LINGO2: variants seen among roughly 807,000 people sequenced by gnomAD.
The protein encoded by LINGO2 is leucine rich repeat and Ig domain containing 2, also known as leucine-rich repeat and immunoglobulin-like domain-containing nogo receptor-interacting protein 2.
Under a neutral mutation model 30.6 loss-of-function variants are expected in LINGO2, and 14 were observed. The observed-to-expected ratio is 0.46, with a 90% confidence interval of 0.30 to 0.72. LINGO2 has a LOEUF of 0.72. Among genes scored for constraint, LINGO2 ranks in the 30% least tolerant of loss-of-function variants. LINGO2 has a pLI of 0.07. For missense variants in LINGO2, 729 were observed against 751.7 expected (o/e 0.97, Z 0.35); for synonymous variants, 317 against 288.5 (o/e 1.10, Z -1.00).
intron 4 of LINGO2, among the ~76,000 whole-genome samples, chr9:28,242,714 A>C (rs1489324144): frequency 6.6e-6 from 1 of 152,190 alleles, no homozygotes; most frequent in African/African-American, 2.4e-5. Flanking sequence ...TGTTAAAGGC[A>C]GCCAGAGAGA....
At chr9:28,930,040 AC>A in the LINGO2 span, among the ~76,000 whole-genome samples, 10 of 152,208 alleles carry the variant, frequency 6.6e-5, no homozygotes, top group South Asian at 2.1e-3. The surrounding 1 kb of genome is among the most constrained non-coding windows in gnomAD (Gnocchi z 4.2). Flanking sequence ...GCCATTCATC[AC>A]TTCTTTGCAT....
downstream of LINGO2, among the ~76,000 whole-genome samples, chr9:27,947,493 G>T (rs12342280): frequency 0.062 from 9,412 of 152,156 alleles, 485 homozygotes; most frequent in African/African-American, 0.14. Context: ...TTTTTTCTCA[G>T]TTCTTAGAAA....
the LINGO2 span, among the ~76,000 whole-genome samples, chr9:29,141,779 A>G: frequency 6.6e-6 from 1 of 151,784 alleles, no homozygotes; most frequent in Non-Finnish European, 1.5e-5. Context: ...AATAGATTTG[A>G]GGTAAAAAAA....
chr9:28,058,249 G>T lies in LINGO2; in HGVS notation c.-86-45844C>A, dbSNP rs183768001. 2.1e-3 allele frequency among the ~76,000 whole-genome samples: 318 copies of T among 152,148 alleles called. 9 individuals are homozygous for T. The South Asian group carries it at 0.044, about 21-fold the overall frequency. ...AAGATGGGGTGCTGCCACCAGTGGT[G>T]GAGTACAATACAATAACTGGTATGC... On this transcript the variant is annotated intron_variant, in intron 4 of 5. Coordinates refer to ENST00000379992, the Ensembl canonical transcript of LINGO2.
the LINGO2 span, among the ~76,000 whole-genome samples, chr9:28,867,069 G>T: frequency 3.3e-5 from 5 of 151,992 alleles, no homozygotes. Context: ...AATAACTACT[G>T]CTGGTGACAG....
chr9:29,174,446 A>C, the LINGO2 span, among the ~76,000 whole-genome samples: 4 of 152,232 alleles, frequency 2.6e-5, no homozygotes, highest in Non-Finnish European at 5.9e-5. Flanking sequence ...ATGTCTATAG[A>C]AAAATATATA....
chr9:28,636,353 G>T (rs769664339), intron 1 of LINGO2, among the ~76,000 whole-genome samples: 1 of 151,998 alleles, frequency 6.6e-6, no homozygotes, highest in East Asian at 1.9e-4. Flanking sequence ...ATGGGATGGC[G>T]GGGACAAATG....
chr9:28,371,865 A>G lies in LINGO2; in HGVS notation c.-246+971T>C, dbSNP rs1304297707. Among the ~76,000 whole-genome samples, 5 of 152,202 alleles carry G rather than the reference A, an allele frequency of 3.3e-5. No homozygotes were observed. The East Asian group carries it at 9.6e-4, about 29-fold the overall frequency. On this transcript the variant is annotated intron_variant, in intron 3 of 5. Coordinates refer to ENST00000379992, the Ensembl canonical transcript of LINGO2. Reference sequence around the variant, plus strand: ...AATGTTAGGGAAACTATGCTCATTTATCAGATACAGCAAGTTAAAATCGAA... The same window carrying G: ...AATGTTAGGGAAACTATGCTCATTTGTCAGATACAGCAAGTTAAAATCGAA...
intron 4 of LINGO2, among the ~76,000 whole-genome samples, chr9:28,145,942 G>C (rs1827801049): frequency 6.6e-6 from 1 of 152,156 alleles, no homozygotes; most frequent in African/African-American, 2.4e-5. Context: ...CTCTTTGGCT[G>C]ATTTGCTCTG....
chr9:28,790,893 T>C, the LINGO2 span, among the ~76,000 whole-genome samples: 5 of 152,166 alleles, frequency 3.3e-5, no homozygotes, highest in South Asian at 2.1e-4. Context: ...ACTGTGTAAA[T>C]TGGAATATAT....
the LINGO2 span, among the ~76,000 whole-genome samples, chr9:28,893,844 G>T: frequency 9.2e-5 from 14 of 151,756 alleles, no homozygotes; most frequent in African/African-American, 3.4e-4. Flanking sequence ...CTGGTGTGCT[G>T]CACCCATTCA....
rs1451565460 is a variant in LINGO2 at position 28,506,094 on chromosome 9, G to T, written c.-364-30069C>A. Among the ~76,000 whole-genome samples the T allele has an allele frequency of 2.6e-5, 4 of 151,300 alleles. No homozygotes were observed. The Admixed American group carries it at 2.6e-4, about 10-fold the overall frequency. On this transcript the variant is annotated intron_variant, in intron 1 of 5. Coordinates refer to ENST00000379992, the Ensembl canonical transcript of LINGO2. ...GTAGTAATTTATATTGTTATTATAGGTGTTTACCTATATGATATAGTTTAT... is the reference window on the plus strand; with the variant it reads ...GTAGTAATTTATATTGTTATTATAGTTGTTTACCTATATGATATAGTTTAT...
At chr9:28,303,090 A>T (rs10125971) in intron 3 of LINGO2, among the ~76,000 whole-genome samples, 2 of 152,030 alleles carry the variant, frequency 1.3e-5, no homozygotes, top group African/African-American at 4.8e-5. Flanking sequence ...TTCTTTCTCT[A>T]TTTCTAATAG....
intron 2 of LINGO2, among the ~76,000 whole-genome samples, chr9:28,387,766 G>A (rs1194260065): frequency 1.3e-5 from 2 of 152,030 alleles, no homozygotes; most frequent in Admixed American, 1.3e-4. Flanking sequence ...GAACAACTCT[G>A]GACGTACCAC....
chr9:28,901,574 G>T, the LINGO2 span, among the ~76,000 whole-genome samples: 60 of 151,864 alleles, frequency 4.0e-4, no homozygotes, highest in African/African-American at 1.4e-3. Context: ...TGTATGCATA[G>T]GGGGTGTAAT....
the LINGO2 span, among the ~76,000 whole-genome samples, chr9:29,126,963 G>A: frequency 6.6e-6 from 1 of 151,976 alleles, no homozygotes; most frequent in African/African-American, 2.4e-5. Context: ...CCTTTGATTG[G>A]TCCCTCCCAG....
At chr9:28,097,660 G>A (rs1826284886) in intron 4 of LINGO2, among the ~76,000 whole-genome samples, 1 of 120,626 alleles carries the variant, frequency 8.3e-6, no homozygotes, top group Non-Finnish European at 1.6e-5. Flanking sequence ...ACAGGAAGGG[G>A]AATATCACAC....
chr9:29,003,823 A>G, the LINGO2 span, among the ~76,000 whole-genome samples: 1 of 152,008 alleles, frequency 6.6e-6, no homozygotes, highest in African/African-American at 2.4e-5. Flanking sequence ...TACACAAAAG[A>G]AAGACAACTT....
the LINGO2 span, among the ~76,000 whole-genome samples, chr9:28,933,650 G>C: frequency 6.6e-6 from 1 of 152,198 alleles, no homozygotes. Context: ...CATGAAAAGA[G>C]AGTTCTCAAG....
Sources: gnomAD v4.1 joint callset for allele counts (sites outside exome capture counted in the v4.1 genomes callset) on GRCh38, gnomAD v4.1.1 for gene constraint, Gnocchi (gnomAD v3.1) non-coding constraint, MANE v1.5 for transcripts, NCBI Gene and HGNC (gene_info 2026-07-23, HGNC 2026-07-21) for gene names.